Variants in PHF3 observed in about 807,000 individuals in gnomAD.
PHF3 encodes PHD finger protein 3.
PHF3 carries 41 observed loss-of-function variants against 178.4 expected under a neutral mutation model. The observed-to-expected ratio is 0.23, with a 90% CI of 0.18 to 0.30. PHF3 has a LOEUF of 0.30. Among genes scored for constraint, PHF3 ranks in the 10% least tolerant of loss-of-function variants. PHF3 has a pLI of 1.00. For missense variants in PHF3, 2,346 were observed against 2,398.1 expected (o/e 0.98, Z 0.45); for synonymous variants, 842 against 800.5 (o/e 1.05, Z -0.88).
At chr6:63,681,834 G>A (rs1011159857) in intron 3 of PHF3, among the ~76,000 whole-genome samples, 15 of 152,052 alleles carry the variant, frequency 9.9e-5, no homozygotes, top group Non-Finnish European at 2.1e-4. Context: ...CATGTTTAAG[G>A]GTAGGGAACT....
At chr6:63,663,353 C>T (rs1401044487) in intron 2 of PHF3, among the ~76,000 whole-genome samples, 1 of 152,102 alleles carries the variant, frequency 6.6e-6, no homozygotes, top group Non-Finnish European at 1.5e-5. Flanking sequence ...AATAGGATAG[C>T]TTCTGTACCC....
chr6:63,666,845 G>A lies in PHF3; in HGVS notation c.245-13155G>A, dbSNP rs553120518. ...CAGCTCACTGCACTGTCTGCCTCCC[G>A]GGTTCAAGCCATTCTCCTGCCTCAG... On this transcript the variant is annotated intron_variant, in intron 2 of 15. Transcript: ENST00000262043. Among the ~76,000 whole-genome samples, 26 of 151,066 alleles carry A rather than the reference G, an allele frequency of 1.7e-4. No homozygotes were observed. In the South Asian group the frequency reaches 5.3e-3, roughly 31 times the overall value.
chr6:63,677,148 A>G (rs1766203756), intron 2 of PHF3, among the ~76,000 whole-genome samples: 1 of 152,152 alleles, frequency 6.6e-6, no homozygotes, highest in South Asian at 2.1e-4. Flanking sequence ...CTTAATGAAG[A>G]TGTCAGATTA....
chr6:63,663,334 T>C (rs1243968945), intron 2 of PHF3, among the ~76,000 whole-genome samples: 3 of 152,146 alleles, frequency 2.0e-5, no homozygotes, highest in African/African-American at 7.2e-5. Context: ...TCGCCTTCAC[T>C]ATCCTAGAAA....
chr6:63,654,479 GT>G (rs1343634605), intron 2 of PHF3, among the ~76,000 whole-genome samples: 1 of 152,194 alleles, frequency 6.6e-6, no homozygotes, highest in East Asian at 1.9e-4. Context: ...ATCATTTTGA[GT>G]TTTACGTAGA....
chr6:63,665,488 T>TTTG (rs1765642594), intron 2 of PHF3, among the ~76,000 whole-genome samples: 1 of 140,236 alleles, frequency 7.1e-6, no homozygotes, highest in African/African-American at 2.8e-5. Flanking sequence ...TTTTTTTTGT[T>TTTG]TTTTTTTTTT....
At position 63,721,787 on chromosome 6, in the gene PHF3, TA is replaced by T. The variant is rs1240944758; in HGVS notation, c.*8085del. On this transcript the variant is annotated 3_prime_UTR_variant, in exon 16 of 16. Coordinates refer to ENST00000262043, the MANE Select transcript of PHF3 (RefSeq NM_001370348.2). ...CGGAACTATTTACTAAAGAGATGCATAAAAAATCACCTGCAAGAAAGCAAAC... is the reference window on the plus strand; with the variant it reads ...CGGAACTATTTACTAAAGAGATGCATAAAAATCACCTGCAAGAAAGCAAAC... 1 of 1,540,606 alleles carries T rather than the reference TA, an allele frequency of 6.5e-7. No individual in the cohort carries two copies. Among genetic ancestry groups the T allele is most frequent in the East Asian group, 2.5e-5 (1 of 40,812 alleles).
intron 3 of PHF3, among the ~76,000 whole-genome samples, chr6:63,681,518 C>T (rs1244394213): frequency 6.6e-6 from 1 of 151,864 alleles, no homozygotes; most frequent in Non-Finnish European, 1.5e-5. Context: ...TTTTCTTTAA[C>T]GTGCTTAAAT....
Position 63,722,088 on chromosome 6 carries a change from C to T in PHF3, c.*8380C>T, listed in dbSNP as rs945032035. Among the ~76,000 whole-genome samples, 3 of 152,052 alleles carry T rather than the reference C, an allele frequency of 2.0e-5. No homozygotes were observed. Among genetic ancestry groups the T allele is most frequent in the African/African-American group, 7.2e-5 (3 of 41,416 alleles). ...AGTGAGGTTTTTCTTCAAATGAAAG[C>T]CTGTTCCTTATGATACCATTTAATG... On this transcript the variant is annotated 3_prime_UTR_variant, in exon 16 of 16. Transcript: ENST00000262043.
At chr6:63,693,355 C>T (rs1213106066) in intron 5 of PHF3, among the ~76,000 whole-genome samples, 1 of 152,174 alleles carries the variant, frequency 6.6e-6, no homozygotes, top group Non-Finnish European at 1.5e-5. Context: ...GTGGCTCACA[C>T]CTGTAATCCT....
rs1187774195 is a variant in PHF3, at chr6:63,718,326, A to G, written c.*4618A>G. On this transcript the variant is annotated 3_prime_UTR_variant, in exon 16 of 16. Transcript: ENST00000262043. ...GAAAAGCTTTAAGGCAGCAATTCTC[A>G]AACTTTTGTTTTCAAGACCCCTTAC... Among the ~76,000 whole-genome samples the G allele has an allele frequency of 4.6e-5, 7 of 151,974 alleles. No individual in the cohort carries two copies. Among genetic ancestry groups the G allele is most frequent in the African/African-American group, 1.7e-4 (7 of 41,428 alleles).
intron 2 of PHF3, among the ~76,000 whole-genome samples, chr6:63,658,185 T>G (rs1050770831): frequency 6.6e-6 from 1 of 152,238 alleles, no homozygotes; most frequent in Admixed American, 6.5e-5. Flanking sequence ...CATTTCATTT[T>G]TAGAGATTCT....
Position 63,706,839 on chromosome 6 carries a change from C to T in PHF3, c.3674C>T (p.Ala1225Val). Residue 1225 changes from alanine to valine, a missense_variant, in exon 13 of 16, where the codon GCC (alanine) becomes GTC (valine). By Grantham distance (64) the Ala-to-Val change is moderately conservative. Around this residue, in one of 8 missense-constraint regions of PHF3, gnomAD observed 205 missense variants for 212.4 expected, o/e 0.97. Transcript: ENST00000262043. ...MPSVAKFVTK[A>V]YPVSGSPEYL... The stretch of plus-strand genomic sequence containing the variant: ...TCTGTGGCAAAATTTGTTACCAAAG[C>T]CTATCCAGTATCTGGCTCCCCAGAA... 12 of 1,613,838 alleles carry T rather than the reference C, an allele frequency of 7.4e-6. No individual in the cohort carries two copies. Among genetic ancestry groups the T allele is most frequent in the Non-Finnish European group, 1.0e-5 (12 of 1,179,928 alleles).
intron 2 of PHF3, among the ~76,000 whole-genome samples, chr6:63,670,747 T>C (rs1375544516): frequency 1.3e-5 from 2 of 152,234 alleles, no homozygotes; most frequent in Non-Finnish European, 1.5e-5. Context: ...ATATTTTATG[T>C]TCCAGCTGCT....
Position 63,721,100 on chromosome 6 carries a change from G to A in PHF3, c.*7392G>A. ...AATTTAAGGATATAGTAGTGAACTG[G>A]AGGTTTCTCATTCTATAATTTGGAT... On this transcript the variant is annotated 3_prime_UTR_variant, in exon 16 of 16. Coordinates refer to ENST00000262043, the MANE Select transcript of PHF3 (RefSeq NM_001370348.2). The A allele has an allele frequency of 6.4e-7, 1 of 1,551,332 alleles. No individual in the cohort carries two copies. Among genetic ancestry groups the A allele is most frequent in the East Asian group, 2.4e-5 (1 of 40,906 alleles).
In PHF3 at chr6:63,703,798, CTT is replaced by C. The variant is rs1267437676; in HGVS notation, c.3367+129_3367+130del. 3.6e-6 allele frequency: 3 copies of C among 837,796 alleles called. No homozygotes were observed. The African/African-American group carries it at 5.3e-5, about 15-fold the overall frequency. The allele number at this position is 837,796 out of a possible 1,614,324, so 51.9% of individuals were successfully genotyped here. On this transcript the variant is annotated intron_variant, in intron 11 of 15. Coordinates refer to ENST00000262043, the MANE Select transcript of PHF3 (RefSeq NM_001370348.2). ...TGGTGGTGAGGCACTCACTCACAGTCTTTAAGCTTTCGTGTGACTGGTTTTCT... is the reference window on the plus strand; with the variant it reads ...TGGTGGTGAGGCACTCACTCACAGTCTAAGCTTTCGTGTGACTGGTTTTCT...
intron 2 of PHF3, among the ~76,000 whole-genome samples, chr6:63,668,054 A>G (rs1765753713): frequency 6.6e-6 from 1 of 152,148 alleles, no homozygotes; most frequent in Non-Finnish European, 1.5e-5. Flanking sequence ...CTTTTTCCTA[A>G]TGGTTTTATG....
rs1189193915 is a variant in PHF3, at chr6:63,722,495, T to C, written c.*8787T>C. Among the ~76,000 whole-genome samples, 1 of 152,076 alleles carries C rather than the reference T, an allele frequency of 6.6e-6. No individual in the cohort carries two copies. Among genetic ancestry groups the C allele is most frequent in the Non-Finnish European group, 1.5e-5 (1 of 67,994 alleles). ...AGTCGTGTGAAGAAATAGGAACAAA[T>C]ACCATCCAGCATCTGAAGTTGCAAT... On this transcript the variant is annotated 3_prime_UTR_variant, in exon 16 of 16. Transcript: ENST00000262043.
rs1404554704 is a variant in PHF3 at position 63,647,362 on chromosome 6, TTTGCAATGAGTCTGGTCGC to T, written c.244+585_244+603del. On this transcript the variant is annotated intron_variant, in intron 2 of 15. Coordinates refer to ENST00000262043, the MANE Select transcript of PHF3 (RefSeq NM_001370348.2). Reference sequence around the variant, plus strand: ...GACAGTAAACACTAGCCACATGTCATTTGCAATGAGTCTGGTCGCTTGCAATGAGTCTGGTCCTAATTGA... The same window carrying T: ...GACAGTAAACACTAGCCACATGTCATTTGCAATGAGTCTGGTCCTAATTGA... 3.3e-5 allele frequency among the ~76,000 whole-genome samples: 5 copies of T among 152,270 alleles called. 1 individual carries two copies. The highest frequency in any genetic ancestry group is 4.1e-4 in the South Asian group (2 of 4,824).
Sources: gnomAD v4.1 joint callset for allele counts (sites outside exome capture counted in the v4.1 genomes callset) on GRCh38, gnomAD v4.1.1 for gene constraint, gnomAD v4.1.1 regional missense constraint, MANE v1.5 for transcripts, NCBI Gene and HGNC (gene_info 2026-07-23, HGNC 2026-07-21) for gene names.